B3GALT1: variants seen among roughly 807,000 people sequenced by gnomAD.
B3GALT1 encodes the protein beta-1,3-galactosyltransferase 1, also known as UDP-Gal:betaGlcNAc beta 1,3-galactosyltransferase, polypeptide 1.
In B3GALT1, 10 loss-of-function variants were observed where a neutral mutation model predicts 23.2. The ratio of observed to expected loss-of-function variants is 0.43; its 90% CI spans 0.27 to 0.73. The LOEUF (loss-of-function observed/expected upper bound fraction) is 0.73. B3GALT1 is among the 30% of genes least tolerant of loss of function. The pLI is 0.21. For synonymous variants in B3GALT1, 156 were observed against 141.5 expected (o/e 1.10, Z -0.73); for missense variants, 299 against 405.4 (o/e 0.74, Z 2.25).
At chr2:167,807,512 G>A (rs1203418203) in intron 3 of B3GALT1, among the ~76,000 whole-genome samples, 1 of 151,666 alleles carries the variant, frequency 6.6e-6, no homozygotes, top group East Asian at 1.9e-4. Context: ...CTGGTATGTT[G>A]TGTCTTTGTT....
chr2:167,563,065 G>A (rs1353983714), intron 2 of B3GALT1, among the ~76,000 whole-genome samples: 2 of 151,960 alleles, frequency 1.3e-5, no homozygotes, highest in South Asian at 2.1e-4. Context: ...ACACAGACAC[G>A]GCAACCATCC....
intron 1 of B3GALT1, among the ~76,000 whole-genome samples, chr2:167,467,653 G>T (rs987946504): frequency 2.6e-5 from 4 of 152,072 alleles, no homozygotes; most frequent in Admixed American, 1.3e-4. Flanking sequence ...AAATCAAAAT[G>T]CCATTTTGTG....
chr2:167,510,224 A>G (rs929786937), intron 2 of B3GALT1, among the ~76,000 whole-genome samples: 9 of 152,144 alleles, frequency 5.9e-5, no homozygotes, highest in Non-Finnish European at 1.0e-4. Flanking sequence ...TGTCTTCTTC[A>G]TGTATGAGGA....
At chr2:167,535,702 G>A (rs2105370549) in intron 2 of B3GALT1, among the ~76,000 whole-genome samples, 1 of 152,018 alleles carries the variant, frequency 6.6e-6, no homozygotes, top group Admixed American at 6.6e-5. Flanking sequence ...CATTTTCAGA[G>A]TAATAAGATT....
At chr2:167,779,418 A>T (rs1382258301) in intron 3 of B3GALT1, among the ~76,000 whole-genome samples, 12 of 152,192 alleles carry the variant, frequency 7.9e-5, no homozygotes, top group Admixed American at 7.9e-4. Flanking sequence ...AGATTTCTTT[A>T]AGTTACCTGC....
intron 2 of B3GALT1, chr2:167,558,046 C>T (rs1311645706): frequency 1.3e-5 from 2 of 152,198 alleles, no homozygotes; most frequent in Non-Finnish European, 2.9e-5. Flanking sequence ...TGGTCATTCA[C>T]TGAGCCAGGG....
chr2:167,597,539 A>G (rs866134572), intron 2 of B3GALT1, among the ~76,000 whole-genome samples: 1 of 152,182 alleles, frequency 6.6e-6, no homozygotes, highest in African/African-American at 2.4e-5. Context: ...CTGACACTCA[A>G]GAGGGCTTGA....
At chr2:167,430,015 T>C (rs1445890324) in intron 1 of B3GALT1, among the ~76,000 whole-genome samples, 1 of 152,190 alleles carries the variant, frequency 6.6e-6, no homozygotes, top group Non-Finnish European at 1.5e-5. Flanking sequence ...GAGAGGCAGA[T>C]AACAGACAAA....
At chr2:167,402,599 G>A (rs1698210963) in intron 1 of B3GALT1, among the ~76,000 whole-genome samples, 1 of 152,028 alleles carries the variant, frequency 6.6e-6, no homozygotes, top group Non-Finnish European at 1.5e-5. Context: ...AAAATACCTA[G>A]GAGGTAGGTA....
intron 1 of B3GALT1, among the ~76,000 whole-genome samples, chr2:167,447,625 A>G (rs181172389): frequency 2.0e-5 from 3 of 152,176 alleles, no homozygotes; most frequent in African/African-American, 4.8e-5. Flanking sequence ...TGTATTAGCA[A>G]TGAGTGAACC....
Position 167,314,376 on chromosome 2 carries a change from A to G in B3GALT1, c.-511+21042A>G, listed in dbSNP as rs141644375. The stretch of plus-strand genomic sequence containing the variant: ...CATATACAATGTTACTTTTACTTGT[A>G]TAACATTATAAGCTAATTGGTGTGT... On this transcript the variant is annotated intron_variant, in intron 1 of 4. Coordinates refer to ENST00000392690, the MANE Select transcript of B3GALT1 (RefSeq NM_020981.4). Among the ~76,000 whole-genome samples, 783 of 152,276 alleles carry G rather than the reference A, an allele frequency of 5.1e-3. 9 individuals are homozygous for G. The highest frequency in any genetic ancestry group is 0.031 in the Admixed American group (478 of 15,280).
intron 2 of B3GALT1, among the ~76,000 whole-genome samples, chr2:167,545,957 C>T (rs1029849018): frequency 6.6e-6 from 1 of 152,146 alleles, no homozygotes; most frequent in Non-Finnish European, 1.5e-5. Flanking sequence ...GTTTCATATA[C>T]ATCTTATATA....
At chr2:167,360,146 A>G (rs541341904) in intron 1 of B3GALT1, among the ~76,000 whole-genome samples, 1 of 152,282 alleles carries the variant, frequency 6.6e-6, no homozygotes, top group Non-Finnish European at 1.5e-5. Flanking sequence ...AAAGTATTAC[A>G]TATGGGAAAA....
At chr2:167,834,782 G>A (rs573134756) in intron 4 of B3GALT1, among the ~76,000 whole-genome samples, 86 of 152,070 alleles carry the variant, frequency 5.7e-4, no homozygotes, top group South Asian at 1.5e-3. Flanking sequence ...CTAGGAGGTG[G>A]AGGTTGCAGT....
chr2:167,770,710 A>AT (rs1558973650), intron 3 of B3GALT1, among the ~76,000 whole-genome samples: 2 of 151,902 alleles, frequency 1.3e-5, no homozygotes, highest in East Asian at 1.9e-4. Context: ...GGTCACAAAG[A>AT]TTTTTTCTTA....
chr2:167,294,870 A>G (rs190881895), intron 1 of B3GALT1, among the ~76,000 whole-genome samples: 5 of 152,340 alleles, frequency 3.3e-5, no homozygotes, highest in Admixed American at 2.6e-4. Context: ...ACAAATCACA[A>G]CACAACAAAA....
intron 1 of B3GALT1, among the ~76,000 whole-genome samples, chr2:167,466,710 A>G (rs895885120): frequency 5.4e-5 from 8 of 148,682 alleles, no homozygotes; most frequent in Non-Finnish European, 8.9e-5. Flanking sequence ...ATTTTTAACT[A>G]TTATCACTCT....
At chr2:167,712,938 A>G (rs903993569) in intron 3 of B3GALT1, among the ~76,000 whole-genome samples, 2 of 152,246 alleles carry the variant, frequency 1.3e-5, no homozygotes, top group African/African-American at 4.8e-5. Flanking sequence ...ATAGGGGGAA[A>G]AATACCATGT....
chr2:167,714,307 C>G, intron 3 of B3GALT1: 1 of 1,497,002 alleles, frequency 6.7e-7, no homozygotes, highest in Non-Finnish European at 9.3e-7. Context: ...CAGAAGGAGC[C>G]CTGTGAGCAT....
Sources: gnomAD v4.1 joint callset for allele counts (sites outside exome capture counted in the v4.1 genomes callset) on GRCh38, gnomAD v4.1.1 for gene constraint, MANE v1.5 for transcripts, NCBI Gene and HGNC (gene_info 2026-07-23, HGNC 2026-07-21) for gene names.